EPHB6: variants seen among roughly 807,000 people sequenced by gnomAD.
EPHB6 encodes EPH receptor B6.
In EPHB6, 51 loss-of-function variants were observed where a neutral mutation model predicts 107.0. That is an observed-to-expected ratio of 0.48 (90% CI 0.38 to 0.60). The LOEUF (loss-of-function observed/expected upper bound fraction) is 0.60, where lower values mean the gene tolerates loss of function less well. EPHB6 is among the 20% of genes least tolerant of loss of function. EPHB6 has a pLI of 0.00. For synonymous variants in EPHB6, 553 were observed against 549.0 expected (o/e 1.01, Z -0.10); for missense variants, 1,141 against 1,355.5 (o/e 0.84, Z 2.48).
chr7:142,856,359 A>T (rs1802612768), intron 1 of EPHB6, among the ~76,000 whole-genome samples: 1 of 152,156 alleles, frequency 6.6e-6, no homozygotes, highest in South Asian at 2.1e-4. Context: ...TTTTTCTCAA[A>T]GGAAGATTAG....
chr7:142,870,737 G>A (rs758816156), intron 19 of EPHB6, 52 bp downstream of exon 19: 1 of 1,614,158 alleles, frequency 6.2e-7, no homozygotes, highest in South Asian at 1.1e-5. Flanking sequence ...CCTGGCTGGG[G>A]GTCGTATTGG....
chr7:142,871,014 C>T lies in EPHB6; in HGVS notation c.*110C>T. The T allele has an allele frequency of 1.0e-6, 1 of 1,003,864 alleles. No homozygotes were observed. Among genetic ancestry groups the T allele is most frequent in the Non-Finnish European group, 1.5e-6 (1 of 673,336 alleles). 62.2% of individuals were successfully genotyped at this position (1,003,864 alleles called of 1,614,324 possible). ...GAGAGATGCCCCACACCAAACCCAA[C>T]CCTCCCGATGGCTGCATTCCCTGGT... On this transcript the variant is annotated 3_prime_UTR_variant, in exon 20 of 20. Transcript: ENST00000652003.
At chr7:142,860,227 A>T (rs1802783363) in intron 1 of EPHB6, among the ~76,000 whole-genome samples, 2 of 152,224 alleles carry the variant, frequency 1.3e-5, no homozygotes, top group Admixed American at 1.3e-4. Flanking sequence ...CTTTGTACAG[A>T]TTACAGAATC....
chr7:142,865,779 C>A (rs1000023271), intron 8 of EPHB6, 149 bp downstream of exon 8: 5 of 1,202,614 alleles, frequency 4.2e-6, no homozygotes, highest in South Asian at 1.3e-5. Flanking sequence ...GTCCCCACCC[C>A]CTTCTCTCCC....
rs1794791174 is a variant in EPHB6 at position 142,869,377 on chromosome 7, C to T, written c.2460+230C>T. On this transcript the variant is annotated intron_variant, in intron 16 of 19. Coordinates refer to ENST00000652003, the MANE Select transcript of EPHB6 (RefSeq NM_004445.6). This position sits in a 1 kb window ranked among gnomAD's most constrained non-coding sequence, Gnocchi z 4.5. ...ATGAGGGAGGGGAGGAGACCTGCAA[C>T]AATCTAGAACTACCTCCTGCCCTTC... 6.6e-6 allele frequency among the ~76,000 whole-genome samples: 1 copy of T among 152,116 alleles called. No individual in the cohort carries two copies. Among genetic ancestry groups the T allele is most frequent in the Non-Finnish European group, 1.5e-5 (1 of 67,996 alleles).
intron 4 of EPHB6, 69 bp from the exon 5 acceptor site, chr7:142,863,058 G>C (rs1386544514): frequency 6.5e-6 from 4 of 619,256 alleles, no homozygotes; most frequent in Non-Finnish European, 1.1e-5. Context: ...TCAGCTTTTG[G>C]AGCTTGGGCT....
chr7:142,869,746 A>C lies in EPHB6; in HGVS notation c.2461-71A>C. The C allele has an allele frequency of 6.4e-7, 1 of 1,558,464 alleles. No individual in the cohort carries two copies. Among genetic ancestry groups the C allele is most frequent in the Middle Eastern group, 1.7e-4 (1 of 5,882 alleles). ...TGTAAAACCCTTGGCATATCTGAGC[A>C]CATAGTAGTTGCTCAATAAACGTGA... On this transcript the variant is annotated intron_variant, in intron 16 of 19. Coordinates refer to ENST00000652003, the MANE Select transcript of EPHB6 (RefSeq NM_004445.6). The surrounding 1 kb of genome is among the most constrained non-coding windows in gnomAD (Gnocchi z 4.5).
Position 142,868,733 on chromosome 7 carries a change from C to G in EPHB6, c.2280C>G (p.Phe760Leu). The change falls in exon 15 of 20, where the codon TTC becomes TTG. Residue 760 changes from phenylalanine (F) to leucine (L), a missense_variant. Physicochemically the swap from Phe to Leu is conservative, Grantham distance 22 (BLOSUM62 0). Transcript: ENST00000652003. The surrounding 1 kb of genome is among the most constrained non-coding windows in gnomAD (Gnocchi z 4.2). ...EFMELGPLDS[F>L]LRQREGQFSS... Reference sequence around the variant, plus strand: ...TGGAGCTTGGCCCCCTGGACAGCTTCCTCAGGGTCAGTCCAGCCTGGGTGA... The same window carrying G: ...TGGAGCTTGGCCCCCTGGACAGCTTGCTCAGGGTCAGTCCAGCCTGGGTGA... The G allele has an allele frequency of 1.9e-6, 3 of 1,613,902 alleles. No homozygotes were observed. The highest frequency in any genetic ancestry group is 2.5e-6 in the Non-Finnish European group (3 of 1,180,020).
intron 1 of EPHB6, among the ~76,000 whole-genome samples, chr7:142,860,382 T>A (rs1267336497): frequency 6.6e-6 from 1 of 152,224 alleles, no homozygotes; most frequent in Non-Finnish European, 1.5e-5. Context: ...TGACTCTGGT[T>A]TGCTTCAGTG....
At position 142,870,790 on chromosome 7, in the gene EPHB6, C is replaced by T; in HGVS notation, c.2961-6C>T. Reference sequence around the variant, plus strand: ...GCCCAGATTTGATCCCTTCCCTCCCCACCAGAGACCTGCCTGCCCTGGGCA... The same window carrying T: ...GCCCAGATTTGATCCCTTCCCTCCCTACCAGAGACCTGCCTGCCCTGGGCA... On this transcript the variant is annotated splice_region_variant and splice_polypyrimidine_tract_variant and intron_variant, in intron 19 of 19. Transcript: ENST00000652003. The T allele has an allele frequency of 6.2e-7, 1 of 1,614,162 alleles. No homozygotes were observed. The highest frequency in any genetic ancestry group is 8.5e-7 in the Non-Finnish European group (1 of 1,179,996).
In EPHB6 at chr7:142,867,153, C is replaced by T; in HGVS notation, c.1750+85C>T. ...GCCCAGGGACTGTCCGGCCTTGAAC[C>T]CTGGCCCCGTGCTTCCCAACCAGAA... is the stretch of plus-strand genomic sequence containing the variant. On this transcript the variant is annotated intron_variant, in intron 11 of 19. Transcript: ENST00000652003. This position sits in a 1 kb window ranked among gnomAD's most constrained non-coding sequence, Gnocchi z 5.3. The T allele has an allele frequency of 2.6e-6, 4 of 1,513,684 alleles. No homozygotes were observed. Among genetic ancestry groups the T allele is most frequent in the South Asian group, 1.2e-5 (1 of 81,942 alleles). 93.8% of individuals were successfully genotyped at this position (1,513,684 alleles called of 1,614,324 possible). A position where few individuals can be genotyped will look rare whatever the true frequency, so the allele number is the denominator to read the frequency against.
In EPHB6 at chr7:142,863,417, G is replaced by A; in HGVS notation, c.100+90G>A. ...GGAAAGATTTAGAAAAGGTAGATAA[G>A]AGTGAAGACATCAATAAAGGGAAAG... On this transcript the variant is annotated intron_variant, in intron 5 of 19. Coordinates refer to ENST00000652003, the MANE Select transcript of EPHB6 (RefSeq NM_004445.6). 5 of 1,353,240 alleles carry A rather than the reference G, an allele frequency of 3.7e-6. No individual in the cohort carries two copies. The South Asian group carries it at 5.8e-5, about 16-fold the overall frequency. The allele number at this position is 1,353,240 out of a possible 1,614,324, so 83.8% of individuals were successfully genotyped here. A position where few individuals can be genotyped will look rare whatever the true frequency, so the allele number is the denominator to read the frequency against.
intron 1 of EPHB6, among the ~76,000 whole-genome samples, chr7:142,858,583 A>C (rs6977208): frequency 0.047 from 6,883 of 145,350 alleles, 255 homozygotes; most frequent in African/African-American, 0.11. Flanking sequence ...CTACAGGCAC[A>C]CGCCACCACG....
chr7:142,868,208 A>C lies in EPHB6; in HGVS notation c.1919-33A>C. 6.2e-7 allele frequency: 1 copy of C among 1,614,076 alleles called. No individual in the cohort carries two copies. Among genetic ancestry groups the C allele is most frequent in the Non-Finnish European group, 8.5e-7 (1 of 1,179,994 alleles). On this transcript the variant is annotated intron_variant, in intron 13 of 19. Coordinates refer to ENST00000652003, the MANE Select transcript of EPHB6 (RefSeq NM_004445.6). This position sits in a 1 kb window ranked among gnomAD's most constrained non-coding sequence, Gnocchi z 4.2. ...GTGCGCGGGCAGCCCTGCCTTTCAC[A>C]ACACGCTCATAACATACTCCACACC...
chr7:142,870,569 T>C lies in EPHB6; in HGVS notation c.2844T>C (p.Phe948=), dbSNP rs1794866962. The change falls in exon 19 of 20, where the codon TTT becomes TTC. Residue 948 remains phenylalanine (F), a synonymous_variant. Transcript: ENST00000652003. ...TTCTGACCCCTGTGGCCCTGGACTT[T>C]CCTTGTCTGGACTCACCCCAGGCCT... ...QALLTPVALD[F]PCLDSPQAWL... is the part of the protein sequence containing the mutation. 4 of 1,614,126 alleles carry C rather than the reference T, an allele frequency of 2.5e-6. No homozygotes were observed. Among genetic ancestry groups the C allele is most frequent in the East Asian group, 2.2e-5 (1 of 44,906 alleles).
chr7:142,858,732 A>G (rs1185511531), intron 1 of EPHB6, among the ~76,000 whole-genome samples: 1 of 151,596 alleles, frequency 6.6e-6, no homozygotes, highest in Non-Finnish European at 1.5e-5. Context: ...TTTTTATAGC[A>G]ACATAACTCG....
At chr7:142,856,750 C>T (rs1435506403) in intron 1 of EPHB6, among the ~76,000 whole-genome samples, 2 of 152,168 alleles carry the variant, frequency 1.3e-5, no homozygotes, top group African/African-American at 4.8e-5. Flanking sequence ...GAGCAACTCA[C>T]AGCCAGACTG....
In EPHB6 at chr7:142,867,288, G is replaced by T. The variant is rs143723394; in HGVS notation, c.1750+220G>T. 2.7e-3 allele frequency: 1,719 copies of T among 646,556 alleles called. 2 individuals are homozygous for T. The highest frequency in any genetic ancestry group is 3.3e-3 in the Non-Finnish European group (1,218 of 373,246). The allele number at this position is 646,556 out of a possible 1,614,324, so 40.1% of individuals were successfully genotyped here. A position where few individuals can be genotyped will look rare whatever the true frequency, so the allele number is the denominator to read the frequency against. On this transcript the variant is annotated intron_variant, in intron 11 of 19. Coordinates refer to ENST00000652003, the MANE Select transcript of EPHB6 (RefSeq NM_004445.6). This position sits in a 1 kb window ranked among gnomAD's most constrained non-coding sequence, Gnocchi z 5.3. ...GCATGTTGAGTGTGGATATAGGAGG[G>T]CTGTGGGGATGTGTGTGTGTGTTGT... is the stretch of plus-strand genomic sequence containing the variant.
In EPHB6 at chr7:142,863,959, C is replaced by A. The variant is rs1432919334; in HGVS notation, c.166-7C>A. ...GCCCCTAAAGCTTCTCCTGGCCCTT[C>A]CTGCAGTGGGACGAGGTGAGTGTTC... On this transcript the variant is annotated splice_region_variant and splice_polypyrimidine_tract_variant and intron_variant, in intron 6 of 19. Coordinates refer to ENST00000652003, the MANE Select transcript of EPHB6 (RefSeq NM_004445.6). The A allele has an allele frequency of 3.1e-6, 5 of 1,614,122 alleles. 1 individual carries two copies. In the African/African-American group the frequency reaches 4.0e-5, roughly 13 times the overall value.
Sources: gnomAD v4.1 joint callset for allele counts (sites outside exome capture counted in the v4.1 genomes callset) on GRCh38, gnomAD v4.1.1 for gene constraint, Gnocchi (gnomAD v3.1) non-coding constraint, MANE v1.5 for transcripts, NCBI Gene and HGNC (gene_info 2026-07-23, HGNC 2026-07-21) for gene names.